Variants in NTM observed in about 807,000 individuals in gnomAD.
NTM encodes the protein IgLON family member 2.
A neutral mutation model predicts 42.1 loss-of-function variants in NTM; 13 were observed. That is an observed-to-expected ratio of 0.31 (90% CI 0.20 to 0.49). NTM has a LOEUF of 0.49. Ranked by LOEUF, NTM falls within the 20% of genes least tolerant of loss-of-function variation. NTM has a pLI of 0.99. For synonymous variants in NTM, 187 were observed against 179.2 expected (o/e 1.04, Z -0.35); for missense variants, 373 against 452.8 (o/e 0.82, Z 1.60).
intron 1 of NTM, among the ~76,000 whole-genome samples, chr11:131,410,517 CA>C (rs1161389222): frequency 0.035 from 1,162 of 32,760 alleles, 4 homozygotes; most frequent in African/African-American, 0.12. Flanking sequence ...AAACAATAAC[CA>C]AAAAAAAAAA....
chr11:131,684,290 G>A (rs547131517), intron 1 of NTM, among the ~76,000 whole-genome samples: 128 of 152,282 alleles, frequency 8.4e-4, no homozygotes, highest in African/African-American at 3.0e-3. Context: ...GCGATCCAGG[G>A]AGGATCCTCC....
chr11:132,033,547 G>A (rs2076172232), intron 2 of NTM, among the ~76,000 whole-genome samples: 1 of 152,188 alleles, frequency 6.6e-6, no homozygotes, highest in African/African-American at 2.4e-5. Flanking sequence ...GATCTGACTA[G>A]CAGAAGGAAC....
chr11:132,033,062 C>T (rs1051674125), intron 2 of NTM, among the ~76,000 whole-genome samples: 1 of 152,308 alleles, frequency 6.6e-6, no homozygotes, highest in African/African-American at 2.4e-5. Context: ...TTCTAAACCT[C>T]ATAGCTTTAC....
At chr11:132,204,803 C>A in intron 3 of NTM, among the ~76,000 whole-genome samples, 1 of 152,136 alleles carries the variant, frequency 6.6e-6, no homozygotes, top group East Asian at 1.9e-4. Flanking sequence ...GAGGTCCTAA[C>A]CAAGCACATT....
chr11:131,547,943 C>T (rs770424182), intron 1 of NTM, among the ~76,000 whole-genome samples: 6 of 152,034 alleles, frequency 3.9e-5, no homozygotes, highest in African/African-American at 1.2e-4. Flanking sequence ...AGGAGGCGTC[C>T]GAATAAGATT....
intron 1 of NTM, among the ~76,000 whole-genome samples, chr11:131,789,145 G>A (rs1216786887): frequency 6.6e-6 from 1 of 151,868 alleles, no homozygotes; most frequent in African/African-American, 2.4e-5. Flanking sequence ...CTCAGTCATC[G>A]CTGGATGTTA....
At chr11:131,969,294 C>G (rs1354702547) in intron 2 of NTM, among the ~76,000 whole-genome samples, 1 of 152,160 alleles carries the variant, frequency 6.6e-6, no homozygotes, top group Non-Finnish European at 1.5e-5. Context: ...CAGGTGGGGG[C>G]TTCATGAGAG....
intron 1 of NTM, among the ~76,000 whole-genome samples, chr11:131,908,529 G>A (rs1442576185): frequency 6.6e-6 from 1 of 152,202 alleles, no homozygotes; most frequent in African/African-American, 2.4e-5. Context: ...AGCTCAGAAT[G>A]AGCCCCTCTC....
chr11:131,461,667 C>T (rs1336960166), intron 1 of NTM, among the ~76,000 whole-genome samples: 1 of 148,976 alleles, frequency 6.7e-6, no homozygotes, highest in Non-Finnish European at 1.5e-5. Context: ...GTATATTTGA[C>T]ATTTTTGAGG....
chr11:131,371,210 C>A, intron 1 of NTM: 1 of 555,326 alleles, frequency 1.8e-6, no homozygotes, highest in Non-Finnish European at 2.3e-6. Context: ...CACATGTAAG[C>A]AGGGGGAAAT....
At chr11:131,415,469 T>C (rs1946849405) in intron 1 of NTM, among the ~76,000 whole-genome samples, 1 of 152,238 alleles carries the variant, frequency 6.6e-6, no homozygotes, top group Admixed American at 6.5e-5. Flanking sequence ...TGCTTGAGAA[T>C]ATAATCATAT....
At chr11:131,537,229 G>A (rs1379455024) in intron 1 of NTM, 1 of 150,424 alleles carries the variant, frequency 6.6e-6, no homozygotes, top group Non-Finnish European at 1.5e-5. Context: ...TGTGAAACAT[G>A]GGAAATTGAA....
At chr11:132,078,405 TG>T (rs1357660827) in intron 2 of NTM, among the ~76,000 whole-genome samples, 2 of 152,220 alleles carry the variant, frequency 1.3e-5, no homozygotes, top group Non-Finnish European at 2.9e-5. Context: ...CACTTAGCAC[TG>T]GGGTACCTGG....
chr11:131,489,314 T>C (rs1954520790), intron 1 of NTM, among the ~76,000 whole-genome samples: 1 of 152,214 alleles, frequency 6.6e-6, no homozygotes, highest in Non-Finnish European at 1.5e-5. Flanking sequence ...CAAATGCCTC[T>C]TTTCACTTTG....
chr11:131,466,787 A>G (rs1422385286), intron 1 of NTM, among the ~76,000 whole-genome samples: 1 of 152,222 alleles, frequency 6.6e-6, no homozygotes, highest in African/African-American at 2.4e-5. Context: ...CTTGGAAAGG[A>G]GACAGCTTTT....
chr11:131,621,074 A>G (rs1183975900), intron 1 of NTM, among the ~76,000 whole-genome samples: 1 of 152,208 alleles, frequency 6.6e-6, no homozygotes. Flanking sequence ...AGCATGTGAG[A>G]GCAGGAAGAG....
rs113412896 is a variant in NTM at position 131,730,721 on chromosome 11, A to AAAAAAAAAAAAAAG, written c.83-180841_83-180840insAAAAAAAAAAAGAA. 5.2e-5 allele frequency among the ~76,000 whole-genome samples: 7 copies of AAAAAAAAAAAAAAG among 134,270 alleles called. No individual in the cohort carries two copies. In the East Asian group the frequency reaches 6.8e-4, roughly 13 times the overall value. The allele number at this position is 134,270 out of a possible 152,430, so 88.1% of individuals were successfully genotyped here. On this transcript the variant is annotated intron_variant, in intron 1 of 8. Transcript: ENST00000683400. ...GTGCCACAGTAGACCCTATCTGTTA[A>AAAAAAAAAAAAAAG]AAGAAGAAGAAGAGAAGAAGACGAA...
intron 1 of NTM, among the ~76,000 whole-genome samples, chr11:131,376,670 T>A (rs981942085): frequency 2.0e-5 from 3 of 146,762 alleles, no homozygotes; most frequent in Non-Finnish European, 4.5e-5. Flanking sequence ...AAATTTGATT[T>A]TTTTTTTTTT....
intron 1 of NTM, among the ~76,000 whole-genome samples, chr11:131,636,477 A>G (rs2064401808): frequency 1.3e-5 from 2 of 152,124 alleles, no homozygotes; most frequent in Admixed American, 6.5e-5. Flanking sequence ...CTTTCCATCC[A>G]TGGTTGGTCG....
Sources: gnomAD v4.1 joint callset for allele counts (sites outside exome capture counted in the v4.1 genomes callset) on GRCh38, gnomAD v4.1.1 for gene constraint, MANE v1.5 for transcripts, NCBI Gene and HGNC (gene_info 2026-07-23, HGNC 2026-07-21) for gene names.